The following RABEP1 variants were observed in gnomAD, a reference collection of about 807,000 sequenced individuals.
The protein encoded by RABEP1 is rabaptin, RAB GTPase binding effector protein 1.
Under a neutral mutation model 123.4 loss-of-function variants are expected in RABEP1, and 51 were observed. That is an observed-to-expected ratio of 0.41 (90% confidence interval 0.33 to 0.52). The LOEUF is 0.52. RABEP1 is among the 20% of genes least tolerant of loss of function. The pLI is 0.16. For synonymous variants in RABEP1, 347 were observed against 355.2 expected (o/e 0.98, Z 0.26); for missense variants, 888 against 996.3 (o/e 0.89, Z 1.46).
intron 2 of RABEP1, among the ~76,000 whole-genome samples, chr17:5,319,119 C>T (rs964488773): frequency 8.6e-5 from 13 of 151,822 alleles, no homozygotes; most frequent in South Asian, 2.1e-4. Context: ...ATCACGAGGT[C>T]GGGGGTTCCA....
At chr17:5,323,306 C>G (rs965799971) in intron 2 of RABEP1, among the ~76,000 whole-genome samples, 1 of 152,138 alleles carries the variant, frequency 6.6e-6, no homozygotes, top group East Asian at 1.9e-4. Context: ...GGAACAAGGA[C>G]GCCCACTTCA....
chr17:5,299,719 C>CTTTTTTTTTTTT lies in RABEP1; in HGVS notation c.35-8970_35-8969insTTTTTTTTTTTT, dbSNP rs146585957. ...TCATTTCTTTTTCTTTTTTTCTTTT[C>CTTTTTTTTTTTT]TTTTTCTTTTTCTTTTTTTTTTTTT... On this transcript the variant is annotated intron_variant, in intron 1 of 17. Transcript: ENST00000537505. Among the ~76,000 whole-genome samples, 205 of 98,810 alleles carry CTTTTTTTTTTTT rather than the reference C, an allele frequency of 2.1e-3. 23 individuals are homozygous for CTTTTTTTTTTTT. Among genetic ancestry groups the CTTTTTTTTTTTT allele is most frequent in the East Asian group, 9.3e-3 (18 of 1,936 alleles). 64.8% of individuals were successfully genotyped at this position (98,810 alleles called of 152,430 possible).
At chr17:5,313,004 G>C (rs2075260083) in intron 2 of RABEP1, among the ~76,000 whole-genome samples, 1 of 152,082 alleles carries the variant, frequency 6.6e-6, no homozygotes, top group Non-Finnish European at 1.5e-5. Context: ...CAGCTACTTG[G>C]GGAGCTCAGT....
At chr17:5,383,023 A>T in intron 17 of RABEP1, 99 bp from the exon 18 acceptor site, 1 of 886,026 alleles carries the variant, frequency 1.1e-6, no homozygotes, top group Non-Finnish European at 1.9e-6. Context: ...AGTGACTAGT[A>T]CTCTGGTGAG....
In RABEP1 at chr17:5,386,193, GCTC is replaced by G; in HGVS notation, c.*2973_*2975del. On this transcript the variant is annotated 3_prime_UTR_variant, in exon 18 of 18. Transcript: ENST00000537505. ...TGGTGTTCAGTTCAGGTGTGAGTCA[GCTC>G]CTGGTGGTGTCAGAAGTTTACATGA... is the stretch of plus-strand genomic sequence containing the variant. The G allele has an allele frequency of 6.2e-7, 1 of 1,608,078 alleles. No individual in the cohort carries two copies.
rs148922039 is a variant in RABEP1, at chr17:5,358,270, C to T, written c.1096-2938C>T. 9.7e-4 allele frequency among the ~76,000 whole-genome samples: 79 copies of T among 81,194 alleles called. No homozygotes were observed. The East Asian group carries it at 0.2, about 210-fold the overall frequency. The allele number at this position is 81,194 out of a possible 152,430, so 53.3% of individuals were successfully genotyped here. A position where few individuals can be genotyped will look rare whatever the true frequency, so the allele number is the denominator to read the frequency against. On this transcript the variant is annotated intron_variant, in intron 8 of 17. Coordinates refer to ENST00000537505, the MANE Select transcript of RABEP1 (RefSeq NM_004703.6). ...CATTTTTTACTACTATACAATTTTT[C>T]GTTATAAGTAATGTCATAATGTTAT...
chr17:5,301,677 C>T (rs1488777449), intron 1 of RABEP1, among the ~76,000 whole-genome samples: 1 of 152,012 alleles, frequency 6.6e-6, no homozygotes, highest in Non-Finnish European at 1.5e-5. Context: ...TAACAGTCTG[C>T]ATACCAAACT....
At chr17:5,292,310 T>C (rs1030002830) in intron 1 of RABEP1, among the ~76,000 whole-genome samples, 4 of 152,198 alleles carry the variant, frequency 2.6e-5, no homozygotes, top group Non-Finnish European at 5.9e-5. Context: ...TTTGATTTTT[T>C]AAAAAATATA....
chr17:5,334,194 C>T (rs1441748479), intron 3 of RABEP1, among the ~76,000 whole-genome samples: 1 of 151,642 alleles, frequency 6.6e-6, no homozygotes, highest in African/African-American at 2.4e-5. Context: ...GACATCACAC[C>T]CAAATAATCT....
chr17:5,312,372 A>G (rs1391064117), intron 2 of RABEP1, among the ~76,000 whole-genome samples: 1 of 152,048 alleles, frequency 6.6e-6, no homozygotes, highest in Non-Finnish European at 1.5e-5. Flanking sequence ...GCTGATCTTG[A>G]ACTCCTAACC....
rs140063176 is a variant in RABEP1 at position 5,354,498 on chromosome 17, G to A, written c.1095+8G>A. 159 of 1,597,390 alleles carry A rather than the reference G, an allele frequency of 1.0e-4. 1 individual carries two copies. In the East Asian group the frequency reaches 3.1e-3, roughly 31 times the overall value. Reference sequence around the variant, plus strand: ...CAGTTATCAAATGAAGAGGTATAGTGAGTCTATAATTAAAGTCATTAAATA... The same window carrying A: ...CAGTTATCAAATGAAGAGGTATAGTAAGTCTATAATTAAAGTCATTAAATA... On this transcript the variant is annotated splice_region_variant and intron_variant, in intron 8 of 17. Coordinates refer to ENST00000537505, the MANE Select transcript of RABEP1 (RefSeq NM_004703.6).
intron 14 of RABEP1, among the ~76,000 whole-genome samples, chr17:5,377,872 CAT>C (rs1911130944): frequency 6.6e-6 from 1 of 152,110 alleles, no homozygotes; most frequent in South Asian, 2.1e-4. Context: ...GGCAATTATT[CAT>C]AGATAGGATT....
intron 2 of RABEP1, among the ~76,000 whole-genome samples, chr17:5,318,231 TC>T (rs2075317595): frequency 6.6e-6 from 1 of 152,308 alleles, no homozygotes; most frequent in Non-Finnish European, 1.5e-5. Context: ...GAAGTGGACT[TC>T]AGTCTTCTTA....
At chr17:5,347,291 T>C (rs1470291792) in intron 6 of RABEP1, among the ~76,000 whole-genome samples, 1 of 152,144 alleles carries the variant, frequency 6.6e-6, no homozygotes, top group Non-Finnish European at 1.5e-5. Flanking sequence ...GCACCTGTTA[T>C]CCCAGCTACT....
chr17:5,353,917 T>G (rs1908783958), intron 7 of RABEP1, among the ~76,000 whole-genome samples: 1 of 152,168 alleles, frequency 6.6e-6, no homozygotes, highest in South Asian at 2.1e-4. Context: ...CCCAGGAGGT[T>G]GAGGCTGCAG....
At chr17:5,374,839 T>G (rs1910856167) in intron 13 of RABEP1, among the ~76,000 whole-genome samples, 1 of 152,138 alleles carries the variant, frequency 6.6e-6, no homozygotes, top group Non-Finnish European at 1.5e-5. Flanking sequence ...AGATGGGGTT[T>G]CACCACATTG....
rs1044773332 is a variant in RABEP1 at position 5,354,974 on chromosome 17, G to A, written c.1095+484G>A. Among the ~76,000 whole-genome samples the A allele has an allele frequency of 2.0e-5, 3 of 152,202 alleles. No individual in the cohort carries two copies. The South Asian group carries it at 6.2e-4, about 31-fold the overall frequency. ...AAAATGTTTCAGGTACTAGGAATGG[G>A]TAGAGTAGAGAGACCTGGAAGTGTT... On this transcript the variant is annotated intron_variant, in intron 8 of 17. Transcript: ENST00000537505.
chr17:5,337,785 A>G (rs796267029), intron 4 of RABEP1, among the ~76,000 whole-genome samples: 3 of 152,186 alleles, frequency 2.0e-5, no homozygotes, highest in South Asian at 2.1e-4. Flanking sequence ...TAGTGAATCA[A>G]TTTTCCCATT....
At chr17:5,288,855 C>T (rs1304061197) in intron 1 of RABEP1, among the ~76,000 whole-genome samples, 1 of 150,548 alleles carries the variant, frequency 6.6e-6, no homozygotes, top group Non-Finnish European at 1.5e-5. Flanking sequence ...AGGCGTGCAC[C>T]ACTACACCTG....
Sources: allele counts gnomAD v4.1 joint callset (sites outside exome capture counted in the v4.1 genomes callset), GRCh38; gene constraint gnomAD v4.1.1; transcripts MANE v1.5; gene names NCBI Gene and HGNC (gene_info 2026-07-23, HGNC 2026-07-21).